Variants in PTN observed in about 807,000 individuals in gnomAD.
PTN encodes heparin affin regulatory protein.
Under a neutral mutation model 24.1 loss-of-function variants are expected in PTN, and 18 were observed. That is an observed-to-expected ratio of 0.75 (90% CI 0.52 to 1.11). The LOEUF (loss-of-function observed/expected upper bound fraction) is 1.11, where lower values mean the gene tolerates loss of function less well. PTN is among the 50% of genes least tolerant of loss of function. The probability of loss-of-function intolerance (pLI) is 0.00; values close to 1 mark genes in which losing one functional copy is unlikely to be tolerated. For missense variants in PTN, 163 were observed against 198.8 expected, an observed-to-expected ratio of 0.82 and a Z score of 1.08; for synonymous variants, 78 against 68.6, an observed-to-expected ratio of 1.14 and a Z score of -0.67.
At chr7:137,281,412 C>G (rs573891313) in intron 1 of PTN, among the ~76,000 whole-genome samples, 2 of 152,250 alleles carry the variant, frequency 1.3e-5, no homozygotes, top group African/African-American at 4.8e-5. Flanking sequence ...CTACTGTGTG[C>G]TTTTATAAAG....
intron 1 of PTN, among the ~76,000 whole-genome samples, chr7:137,335,239 G>A (rs944701593): frequency 3.3e-5 from 5 of 151,742 alleles, no homozygotes; most frequent in Admixed American, 6.6e-5. Flanking sequence ...CTTTTCATTA[G>A]CTTTTAAAGC....
At chr7:137,260,022 C>T (rs746127051) in intron 1 of PTN, among the ~76,000 whole-genome samples, 4 of 152,050 alleles carry the variant, frequency 2.6e-5, no homozygotes, top group African/African-American at 4.8e-5. Context: ...CTACTCATTA[C>T]ACTTTTTGCT....
chr7:137,335,453 A>C (rs2128883421), intron 1 of PTN, among the ~76,000 whole-genome samples: 1 of 152,286 alleles, frequency 6.6e-6, no homozygotes, highest in South Asian at 2.1e-4. Flanking sequence ...TTTGGTCACA[A>C]AGATGTAAGT....
intron 4 of PTN, among the ~76,000 whole-genome samples, chr7:137,235,454 T>C (rs1808503018): frequency 6.6e-6 from 1 of 152,138 alleles, no homozygotes; most frequent in African/African-American, 2.4e-5. Flanking sequence ...TTTAAATGAG[T>C]AGCATAAATT....
chr7:137,239,892 C>T (rs1458291091), intron 4 of PTN, among the ~76,000 whole-genome samples: 3 of 152,126 alleles, frequency 2.0e-5, no homozygotes, highest in Non-Finnish European at 4.4e-5. Flanking sequence ...GAGACCGTGA[C>T]TTAATATTTG....
At chr7:137,325,729 G>A (rs1300521580) in intron 1 of PTN, 1 of 152,188 alleles carries the variant, frequency 6.6e-6, no homozygotes, top group Non-Finnish European at 1.5e-5. Flanking sequence ...ATGTATGATT[G>A]GCAGAAGGTC....
At chr7:137,280,289 G>A (rs564023520) in intron 1 of PTN, among the ~76,000 whole-genome samples, 48 of 152,234 alleles carry the variant, frequency 3.2e-4, no homozygotes, top group African/African-American at 1.2e-3. Flanking sequence ...AATTTAAGAT[G>A]CCAGTAGGAC....
rs1312717830 is a variant in PTN at position 137,313,773 on chromosome 7, A to C, written c.-2+29666T>G. Among the ~76,000 whole-genome samples, 9 of 152,204 alleles carry C rather than the reference A, an allele frequency of 5.9e-5. 1 individual carries two copies. Among genetic ancestry groups the C allele is most frequent in the Admixed American group, 5.9e-4 (9 of 15,290 alleles). ...CCTCTCTTATCTTCTACAAGGTTAT[A>C]AGAGCTAATGTACTACAGATATCCT... On this transcript the variant is annotated intron_variant, in intron 1 of 4. Transcript: ENST00000348225.
chr7:137,315,736 G>A (rs982914386), intron 1 of PTN, among the ~76,000 whole-genome samples: 2 of 152,118 alleles, frequency 1.3e-5, no homozygotes, highest in Admixed American at 1.3e-4. Context: ...CACATGGCCA[G>A]CACTCCAGGG....
intron 1 of PTN, among the ~76,000 whole-genome samples, chr7:137,323,639 T>C (rs1562923474): frequency 6.6e-6 from 1 of 152,200 alleles, no homozygotes. Flanking sequence ...TATTTAGTCA[T>C]AGCCATAGCC....
chr7:137,269,808 C>T (rs12535403), intron 1 of PTN, among the ~76,000 whole-genome samples: 16,051 of 151,442 alleles, frequency 0.11, 2,296 homozygotes, highest in African/African-American at 0.33. Context: ...AATTTTTGTA[C>T]TCTTAGTAGA....
In PTN at chr7:137,251,172, C is replaced by A. The variant is rs2128870875; in HGVS notation, c.451+58G>T. On this transcript the variant is annotated intron_variant, in intron 4 of 4. Transcript: ENST00000348225. ...TTCCTTCTGGAAAATGTGGGTTTTC[C>A]AGATCTTACCTGAGTCCATCAATCC... 2.5e-6 allele frequency: 4 copies of A among 1,573,058 alleles called. No homozygotes were observed. The East Asian group carries it at 9.0e-5, about 35-fold the overall frequency.
Position 137,317,246 on chromosome 7 carries a change from T to C in PTN, c.-2+26193A>G, listed in dbSNP as rs562497603. On this transcript the variant is annotated intron_variant, in intron 1 of 4. Coordinates refer to ENST00000348225, the MANE Select transcript of PTN (RefSeq NM_002825.7). ...TGCTCCTGGGAGTTGCCTCCAGCCATGGAGAGCTTTCTTCATTCCACCTTT... is the reference window on the plus strand; with the variant it reads ...TGCTCCTGGGAGTTGCCTCCAGCCACGGAGAGCTTTCTTCATTCCACCTTT... 1.1e-4 allele frequency among the ~76,000 whole-genome samples: 16 copies of C among 152,300 alleles called. No homozygotes were observed. In the East Asian group the frequency reaches 2.9e-3, roughly 28 times the overall value.
At position 137,228,025 on chromosome 7, in the gene PTN, C is replaced by T; in HGVS notation, c.502G>A (p.Asp168Asn). 6.2e-7 allele frequency: 1 copy of T among 1,609,310 alleles called. No homozygotes were observed. The change falls in exon 5 of 5, where the codon GAT (aspartate) becomes AAT (asparagine). Residue 168 changes from aspartate (D) to asparagine (N), a missense_variant. Transcript: ENST00000348225. Reference sequence around the variant, plus strand: ...TGTTCCACAGGTGACATCTTTTAATCCAGCATCTTCTCCTGTTTCTTGCCT... The same window carrying T: ...TGTTCCACAGGTGACATCTTTTAATTCAGCATCTTCTCCTGTTTCTTGCCT... ...KEGKKQEKML[D>N]
At chr7:137,311,386 G>T (rs116813981) in intron 1 of PTN, among the ~76,000 whole-genome samples, 44 of 152,188 alleles carry the variant, frequency 2.9e-4, no homozygotes, top group African/African-American at 1.1e-3. Context: ...TTTTATTCGT[G>T]TATTTACTGG....
intron 1 of PTN, among the ~76,000 whole-genome samples, chr7:137,278,322 AAAAAAAAAAAAAAAAAT>A (rs1346451776): frequency 6.7e-6 from 1 of 148,242 alleles, no homozygotes; most frequent in East Asian, 2.0e-4. Flanking sequence ...AAAAAAAAAA[AAAAAAAAAAAAAAAAAT>A]GACTACTAAT....
intron 1 of PTN, among the ~76,000 whole-genome samples, chr7:137,259,693 G>C (rs1350949554): frequency 6.6e-6 from 1 of 151,150 alleles, no homozygotes; most frequent in Non-Finnish European, 1.5e-5. Flanking sequence ...AAAAGGGACA[G>C]AGAGAGAGAG....
intron 1 of PTN, among the ~76,000 whole-genome samples, chr7:137,320,849 A>C (rs1810151618): frequency 6.6e-6 from 1 of 152,192 alleles, no homozygotes; most frequent in Non-Finnish European, 1.5e-5. Flanking sequence ...CCTGCCCTAC[A>C]GGATACCTTG....
chr7:137,247,106 G>A (rs1036283259), intron 4 of PTN, among the ~76,000 whole-genome samples: 1 of 152,068 alleles, frequency 6.6e-6, no homozygotes, highest in African/African-American at 2.4e-5. Context: ...TTTCCTGAAG[G>A]AAGAAAATAA....
Sources: allele counts gnomAD v4.1 joint callset (sites outside exome capture counted in the v4.1 genomes callset), GRCh38; gene constraint gnomAD v4.1.1; transcripts MANE v1.5; gene names NCBI Gene and HGNC (gene_info 2026-07-23, HGNC 2026-07-21).